Variants in PTPRM observed in about 807,000 individuals in gnomAD.
PTPRM encodes protein tyrosine phosphatase receptor type M.
A neutral mutation model predicts 186.7 loss-of-function variants in PTPRM; 47 were observed. The ratio of observed to expected loss-of-function variants is 0.25; its 90% CI spans 0.20 to 0.32. PTPRM has a LOEUF of 0.32. Among genes scored for constraint, PTPRM ranks in the 10% least tolerant of loss-of-function variants. PTPRM has a pLI of 1.00. For missense variants in PTPRM, 1,494 were observed against 1,865.0 expected (o/e 0.80, Z 3.66); for synonymous variants, 668 against 674.9 (o/e 0.99, Z 0.16).
intron 7 of PTPRM, among the ~76,000 whole-genome samples, chr18:8,056,537 G>A (rs1408797839): frequency 1.3e-5 from 2 of 151,934 alleles, no homozygotes; most frequent in African/African-American, 2.4e-5. Context: ...CAGGAGAATT[G>A]CTTGAAACCA....
chr18:8,365,528 C>A (rs927363357), intron 23 of PTPRM, among the ~76,000 whole-genome samples: 6 of 152,254 alleles, frequency 3.9e-5, no homozygotes, highest in African/African-American at 1.4e-4. Context: ...AGATTCCTCG[C>A]AGCTATATTT....
chr18:7,962,032 C>T (rs995445427), intron 7 of PTPRM, among the ~76,000 whole-genome samples: 12 of 152,290 alleles, frequency 7.9e-5, no homozygotes, highest in Middle Eastern at 3.4e-3. Flanking sequence ...AGATACTGGA[C>T]ATACCTTGCC....
intron 1 of PTPRM, among the ~76,000 whole-genome samples, chr18:7,580,004 T>C (rs1367969932): frequency 2.0e-5 from 3 of 152,242 alleles, no homozygotes; most frequent in Non-Finnish European, 4.4e-5. Flanking sequence ...GAAAGGTCTT[T>C]GTCAAAATGT....
chr18:7,780,371 C>A (rs944759456), intron 2 of PTPRM, among the ~76,000 whole-genome samples: 2 of 152,122 alleles, frequency 1.3e-5, no homozygotes. Context: ...TTGGAGTACC[C>A]TTATGTATTC....
At chr18:7,763,655 A>G (rs962861195) in intron 1 of PTPRM, among the ~76,000 whole-genome samples, 3 of 152,230 alleles carry the variant, frequency 2.0e-5, no homozygotes, top group Admixed American at 1.3e-4. Context: ...ATGTGAAACT[A>G]TATTTACTTT....
chr18:8,084,076 T>C (rs1176929597), intron 9 of PTPRM, among the ~76,000 whole-genome samples: 1 of 152,152 alleles, frequency 6.6e-6, no homozygotes, highest in Non-Finnish European at 1.5e-5. Context: ...TTTGTCATAG[T>C]TGTTGGATCA....
At chr18:8,080,317 G>T (rs1205512179) in intron 9 of PTPRM, among the ~76,000 whole-genome samples, 1 of 152,166 alleles carries the variant, frequency 6.6e-6, no homozygotes, top group Non-Finnish European at 1.5e-5. Context: ...CATATCTCTA[G>T]TGAGTAAATA....
intron 30 of PTPRM, 26 bp from the exon 31 acceptor site, chr18:8,387,046 C>A: frequency 2.6e-6 from 4 of 1,564,326 alleles, no homozygotes; most frequent in Non-Finnish European, 3.5e-6. Flanking sequence ...CTTTCCACTC[C>A]CCGATTGTTG....
chr18:8,075,254 A>C (rs183227013), intron 8 of PTPRM, among the ~76,000 whole-genome samples: 2 of 103,204 alleles, frequency 1.9e-5, no homozygotes, highest in East Asian at 4.2e-4. Context: ...TTCCATATCT[A>C]TATCTATCTA....
chr18:7,849,253 A>G (rs974496867), intron 2 of PTPRM, among the ~76,000 whole-genome samples: 2 of 152,198 alleles, frequency 1.3e-5, no homozygotes, highest in East Asian at 3.8e-4. Context: ...CTCAAGTTTC[A>G]TTGGGGATTC....
In PTPRM at chr18:7,656,573, T is replaced by A. The variant is rs533053937; in HGVS notation, c.73+88682T>A. Reference sequence around the variant, plus strand: ...TATGTTATTTGTATTTTCCTATAATTTAAAGAAGAAAAGATCAATGGTTGC... The same window carrying A: ...TATGTTATTTGTATTTTCCTATAATATAAAGAAGAAAAGATCAATGGTTGC... On this transcript the variant is annotated intron_variant, in intron 1 of 32. Transcript: ENST00000580170. Among the ~76,000 whole-genome samples the A allele has an allele frequency of 5.3e-4, 81 of 152,216 alleles. 1 individual carries two copies. In the South Asian group the frequency reaches 0.016, roughly 31 times the overall value.
intron 1 of PTPRM, among the ~76,000 whole-genome samples, chr18:7,648,588 C>G (rs760251605): frequency 6.6e-6 from 1 of 152,140 alleles, no homozygotes; most frequent in Non-Finnish European, 1.5e-5. Flanking sequence ...AGCTTTATTG[C>G]TGATATGGAT....
At chr18:7,818,423 G>C (rs1398972397) in intron 2 of PTPRM, among the ~76,000 whole-genome samples, 1 of 151,884 alleles carries the variant, frequency 6.6e-6, no homozygotes, top group Non-Finnish European at 1.5e-5. Context: ...TTCCTACCAG[G>C]TACAGACTAA....
At chr18:8,092,202 T>G (rs1012711918) in intron 11 of PTPRM, among the ~76,000 whole-genome samples, 1 of 152,148 alleles carries the variant, frequency 6.6e-6, no homozygotes, top group Non-Finnish European at 1.5e-5. Flanking sequence ...TGCACTAAAC[T>G]CTCAATGTAA....
At chr18:7,611,376 C>T (rs1188049753) in intron 1 of PTPRM, among the ~76,000 whole-genome samples, 1 of 152,160 alleles carries the variant, frequency 6.6e-6, no homozygotes, top group Non-Finnish European at 1.5e-5. Flanking sequence ...ACTGACCCAT[C>T]CAGAGCAACT....
chr18:8,119,189 A>T (rs2092078856), intron 13 of PTPRM, among the ~76,000 whole-genome samples: 1 of 152,154 alleles, frequency 6.6e-6, no homozygotes, highest in South Asian at 2.1e-4. Flanking sequence ...TTATTGGAAG[A>T]CCTTGAGGAA....
At chr18:8,264,967 T>C (rs1421836174) in intron 19 of PTPRM, among the ~76,000 whole-genome samples, 2 of 152,184 alleles carry the variant, frequency 1.3e-5, no homozygotes, top group East Asian at 3.8e-4. Flanking sequence ...AAAGCCTGTG[T>C]TCTTTCTACT....
intron 3 of PTPRM, among the ~76,000 whole-genome samples, chr18:7,904,111 A>T (rs1332091082): frequency 1.3e-5 from 2 of 152,212 alleles, no homozygotes; most frequent in Non-Finnish European, 2.9e-5. Context: ...TCTGCTTACT[A>T]AATGTTAACT....
chr18:8,233,361 A>G (rs1692964554), intron 14 of PTPRM, among the ~76,000 whole-genome samples: 1 of 152,194 alleles, frequency 6.6e-6, no homozygotes, highest in Non-Finnish European at 1.5e-5. Context: ...TTTTGGCCTT[A>G]TAACAGATGT....
Sources: allele counts gnomAD v4.1 joint callset (sites outside exome capture counted in the v4.1 genomes callset), GRCh38; gene constraint gnomAD v4.1.1; transcripts MANE v1.5; gene names NCBI Gene and HGNC (gene_info 2026-07-23, HGNC 2026-07-21).